Variants in SLC26A5 observed in about 807,000 individuals in gnomAD.
SLC26A5 encodes the protein prestin.
In SLC26A5, 51 loss-of-function variants were observed where a neutral mutation model predicts 81.0. The observed-to-expected ratio is 0.63, with a 90% CI of 0.50 to 0.80. The LOEUF is 0.80. SLC26A5 is among the 30% of genes least tolerant of loss of function. SLC26A5 has a pLI of 0.00. For synonymous variants in SLC26A5, 325 were observed against 332.8 expected, an observed-to-expected ratio of 0.98 and a Z score of 0.25; for missense variants, 771 against 905.8, an observed-to-expected ratio of 0.85 and a Z score of 1.91.
chr7:103,412,803 G>A (rs564056621), intron 5 of SLC26A5, among the ~76,000 whole-genome samples, 199 bp downstream of exon 5: 4 of 152,098 alleles, frequency 2.6e-5, no homozygotes, highest in South Asian at 2.1e-4. Context: ...TGCCCGCCTC[G>A]GCCTCCCAGA....
chr7:103,412,692 G>A (rs1824597256), intron 5 of SLC26A5, among the ~76,000 whole-genome samples: 2 of 151,830 alleles, frequency 1.3e-5, no homozygotes, highest in Admixed American at 6.6e-5. Flanking sequence ...TGGGATTACA[G>A]TCACCCCTCA....
At position 103,377,691 on chromosome 7, in the gene SLC26A5, A is replaced by G. The variant is rs766693130; in HGVS notation, c.1894T>C (p.Phe632Leu). Reference protein sequence around the residue: ...KSTFPEEMQRFMPPGDNVHTV... With the variant: ...KSTFPEEMQRLMPPGDNVHTV... ...TGGACGTTATCCCCTGGGGGCATAA[A>G]TCTTTGCATTTCCTCAGGAAATGTG... Residue 632 changes from phenylalanine (F) to leucine (L), a missense_variant, in exon 18 of 20, where the codon TTT becomes CTT. Coordinates refer to ENST00000306312, the MANE Select transcript of SLC26A5 (RefSeq NM_198999.3). 8 of 1,614,102 alleles carry G rather than the reference A, an allele frequency of 5.0e-6. No homozygotes were observed. In the South Asian group the frequency reaches 5.5e-5, roughly 11 times the overall value.
rs1048678442 is a variant in SLC26A5 at position 103,374,575 on chromosome 7, G to A, written c.2059C>T (p.Leu687Phe). The A allele has an allele frequency of 6.2e-7, 1 of 1,613,714 alleles. No individual in the cohort carries two copies. Among genetic ancestry groups the A allele is most frequent in the Non-Finnish European group, 8.5e-7 (1 of 1,179,968 alleles). Residue 687 changes from leucine (L) to phenylalanine (F), a missense_variant, in exon 20 of 20, where the codon CTC (leucine) becomes TTC (phenylalanine). By Grantham distance (22) the Leu-to-Phe change is conservative (BLOSUM62 0). Transcript: ENST00000306312. Reference sequence around the variant, plus strand: ...TTTTCAAAAAATCTATTCCGAGTGAGGTCATTCACAACTTGTGCTATTAAA... The same window carrying A: ...TTTTCAAAAAATCTATTCCGAGTGAAGTCATTCACAACTTGTGCTATTAAA... ...AGCSAQVVND[L>F]TRNRFFENPA...
chr7:103,390,373 A>G, intron 12 of SLC26A5, 56 bp downstream of exon 12: 1 of 1,472,684 alleles, frequency 6.8e-7, no homozygotes, highest in Non-Finnish European at 9.5e-7. Flanking sequence ...AAACAAATAA[A>G]ATAGCAAAAT....
intron 19 of SLC26A5, among the ~76,000 whole-genome samples, chr7:103,374,919 C>G (rs1821244384): frequency 6.7e-6 from 1 of 150,116 alleles, no homozygotes; most frequent in Admixed American, 6.6e-5. Context: ...CAGGATTTCT[C>G]TATGTAAATA....
intron 7 of SLC26A5, 93 bp from the exon 8 acceptor site, chr7:103,408,096 C>T (rs1032697974): frequency 2.0e-5 from 30 of 1,510,814 alleles, no homozygotes; most frequent in African/African-American, 9.6e-5. Flanking sequence ...CCAGCCATTC[C>T]GTTATTGGAT....
Position 103,356,733 on chromosome 7 carries a change from C to A in SLC26A5, c.2042-3807G>T, listed in dbSNP as rs535598433. On this transcript the variant is annotated intron_variant, in intron 19 of 19. Coordinates refer to the SLC26A5 transcript ENST00000339444. ...AGTATTTTTCCCTAGTCACTTTTAA[C>A]TTCTTGGTACCTTTTGTTGTACTAA... Among the ~76,000 whole-genome samples the A allele has an allele frequency of 8.5e-5, 13 of 152,152 alleles. No individual in the cohort carries two copies. In the East Asian group the frequency reaches 2.1e-3, roughly 25 times the overall value.
In SLC26A5 at chr7:103,407,988, A is replaced by G; in HGVS notation, c.751T>C (p.Leu251=). 6.2e-7 allele frequency: 1 copy of G among 1,614,150 alleles called. No homozygotes were observed. Among genetic ancestry groups the G allele is most frequent in the Non-Finnish European group, 8.5e-7 (1 of 1,180,002 alleles). The part of the protein sequence containing the change: ...FSVVYSTVAV[L]QNVKNLNVCS... ...ACGTTGAGGTTTTTAACATTCTGCA[A>G]CACAGCAACTGTACTCTGTAACACA... Residue 251 remains leucine (L), a synonymous_variant, in exon 8 of 20, where the codon TTG becomes CTG. Transcript: ENST00000306312.
At chr7:103,376,763 AAAACT>A in intron 19 of SLC26A5, 40 bp downstream of exon 19, 1 of 1,356,214 alleles carries the variant, frequency 7.4e-7, no homozygotes, top group Non-Finnish European at 1.0e-6. Context: ...TAAGAGAAAC[AAAACT>A]AAAATATTAA....
At chr7:103,364,363 T>G (rs748982263) in intron 19 of SLC26A5, 55 of 1,586,642 alleles carry the variant, frequency 3.5e-5, no homozygotes, top group Non-Finnish European at 4.6e-5. Flanking sequence ...ACAGTATGAA[T>G]GAAATTAAAA....
chr7:103,361,510 C>CAAAAAAAAAAAAAAAAAAAAAAAAAAAA (rs759044767), intron 19 of SLC26A5, among the ~76,000 whole-genome samples: 1 of 51,102 alleles, frequency 2.0e-5, no homozygotes, highest in Non-Finnish European at 4.1e-5. Context: ...AACTCCATCT[C>CAAAAAAAAAAAAAAAAAAAAAAAAAAAA]AAAAAAAAAA....
At chr7:103,383,670 T>C (rs1270079577) in intron 14 of SLC26A5, among the ~76,000 whole-genome samples, 1 of 152,194 alleles carries the variant, frequency 6.6e-6, no homozygotes, top group Non-Finnish European at 1.5e-5. Flanking sequence ...TTTTGTTTTA[T>C]TATTTACTTA....
In SLC26A5 at chr7:103,410,621, A is replaced by G. The variant is rs1267050676; in HGVS notation, c.571-72T>C. 2.2e-6 allele frequency: 3 copies of G among 1,369,472 alleles called. No individual in the cohort carries two copies. The African/African-American group carries it at 4.3e-5, about 20-fold the overall frequency. 84.8% of individuals were successfully genotyped at this position (1,369,472 alleles called of 1,614,324 possible). ...CAGGAAGTTATGACCCACAGCAAATATACAAGTTCTTTCTTGACCATTTTC... is the reference window on the plus strand; with the variant it reads ...CAGGAAGTTATGACCCACAGCAAATGTACAAGTTCTTTCTTGACCATTTTC... On this transcript the variant is annotated intron_variant, in intron 6 of 19. Transcript: ENST00000306312.
At chr7:103,433,104 C>G (rs1414494507) in intron 2 of SLC26A5, among the ~76,000 whole-genome samples, 2 of 152,104 alleles carry the variant, frequency 1.3e-5, no homozygotes, top group Non-Finnish European at 2.9e-5. Flanking sequence ...CTAGACAGGT[C>G]TTTAGAGCTC....
intron 8 of SLC26A5, among the ~76,000 whole-genome samples, chr7:103,400,270 G>C (rs1021996142): frequency 6.6e-6 from 1 of 152,178 alleles, no homozygotes; most frequent in African/African-American, 2.4e-5. Flanking sequence ...AGTCTAACTG[G>C]CATGAGATGG....
intron 19 of SLC26A5, among the ~76,000 whole-genome samples, chr7:103,366,409 G>A (rs752527617): frequency 3.3e-5 from 5 of 152,252 alleles, no homozygotes; most frequent in African/African-American, 9.6e-5. Flanking sequence ...TCCCTTAGCC[G>A]AAATGTTTGA....
intron 2 of SLC26A5, among the ~76,000 whole-genome samples, chr7:103,439,181 G>C (rs1271184474): frequency 6.6e-6 from 1 of 152,158 alleles, no homozygotes; most frequent in Non-Finnish European, 1.5e-5. Flanking sequence ...GGGCAACAAG[G>C]AGAAAGGGAA....
At chr7:103,363,527 C>G (rs1820529781) in intron 19 of SLC26A5, 5 of 1,171,426 alleles carry the variant, frequency 4.3e-6, no homozygotes, top group Non-Finnish European at 5.0e-6. Flanking sequence ...TATTAGATGG[C>G]TTTTAATATT....
At position 103,364,070 on chromosome 7, in the gene SLC26A5, TTTG is replaced by T. The variant is rs547017233; in HGVS notation, c.2042-11147_2042-11145del. On this transcript the variant is annotated intron_variant, in intron 19 of 19. Coordinates refer to the SLC26A5 transcript ENST00000339444. The stretch of plus-strand genomic sequence containing the variant: ...GATAAAATACTAAACATAAAAGCAC[TTTG>T]TTGATTTAGAAGTAGTCTGATTTTT... 1.1e-4 allele frequency: 152 copies of T among 1,426,858 alleles called. No individual in the cohort carries two copies. The East Asian group carries it at 3.2e-3, about 30-fold the overall frequency. The allele number at this position is 1,426,858 out of a possible 1,614,324, so 88.4% of individuals were successfully genotyped here. A position where few individuals can be genotyped will look rare whatever the true frequency, so the allele number is the denominator to read the frequency against.
Sources: gnomAD v4.1 joint callset for allele counts (sites outside exome capture counted in the v4.1 genomes callset) on GRCh38, gnomAD v4.1.1 for gene constraint, MANE v1.5 for transcripts, NCBI Gene and HGNC (gene_info 2026-07-23, HGNC 2026-07-21) for gene names.